GMCL1: variants seen among roughly 807,000 people sequenced by gnomAD.
The protein encoded by GMCL1 is germ cell-less protein-like 1.
A neutral mutation model predicts 75.5 loss-of-function variants in GMCL1; 54 were observed. The ratio of observed to expected loss-of-function variants is 0.71; its 90% confidence interval spans 0.57 to 0.90. GMCL1 has a LOEUF of 0.90. Ranked by LOEUF, GMCL1 falls within the 40% of genes least tolerant of loss-of-function variation. The pLI is 0.00. For synonymous variants in GMCL1, 210 were observed against 209.6 expected (o/e 1.00, Z -0.02); for missense variants, 537 against 622.7 (o/e 0.86, Z 1.47).
Position 69,847,628 on chromosome 2 carries a change from G to A in GMCL1, c.843+1G>A. 6.3e-7 allele frequency: 1 copy of A among 1,576,722 alleles called. No individual in the cohort carries two copies. The highest frequency in any genetic ancestry group is 8.7e-7 in the Non-Finnish European group (1 of 1,147,056). On this transcript the variant is annotated splice_donor_variant, in intron 7 of 13. Transcript: ENST00000282570. LOFTEE classifies it high-confidence loss of function. ...GGATATATACACTGCTCTAAAAAAG[G>A]TACTGACGTAATATGATGTCATATT...
chr2:69,847,550 G>A lies in GMCL1; in HGVS notation c.766G>A (p.Val256Ile). The stretch of plus-strand genomic sequence containing the variant: ...TCTATTTATCCTTTTCAGTATAAAT[G>A]TCATGAAACAGCTCATTGGTTCATC... ...VELFKELSIN[V>I]MKQLIGSSNL... The change falls in exon 7 of 14, where the codon GTC becomes ATC. Residue 256 changes from valine to isoleucine, a missense_variant. Coordinates refer to ENST00000282570, the MANE Select transcript of GMCL1 (RefSeq NM_178439.5). 1 of 1,599,548 alleles carries A rather than the reference G, an allele frequency of 6.3e-7. No homozygotes were observed. The highest frequency in any genetic ancestry group is 1.1e-5 in the South Asian group (1 of 90,758).
At chr2:69,868,753 C>T (rs1035724127) in intron 11 of GMCL1, among the ~76,000 whole-genome samples, 2 of 150,642 alleles carry the variant, frequency 1.3e-5, no homozygotes, top group Non-Finnish European at 3.0e-5. Flanking sequence ...TTAATGGGCT[C>T]TTAATTACCT....
intron 11 of GMCL1, among the ~76,000 whole-genome samples, chr2:69,865,657 A>C (rs1675793400): frequency 6.6e-6 from 1 of 152,216 alleles, no homozygotes; most frequent in South Asian, 2.1e-4. Flanking sequence ...CAAAAAAAAA[A>C]AGATATTTTT....
At chr2:69,864,796 T>C in intron 10 of GMCL1, 104 bp from the exon 11 acceptor site, 1 of 726,328 alleles carries the variant, frequency 1.4e-6, no homozygotes. Flanking sequence ...CAAAAACTTA[T>C]TTTTAAATCT....
intron 8 of GMCL1, among the ~76,000 whole-genome samples, chr2:69,852,544 C>CTGTTTTT (rs1553371414): frequency 6.8e-6 from 1 of 147,682 alleles, no homozygotes. Context: ...GTCTGTCTGT[C>CTGTTTTT]TTTTTTTTTT....
intron 11 of GMCL1, among the ~76,000 whole-genome samples, chr2:69,866,388 C>T (rs1211471097): frequency 2.0e-5 from 3 of 152,010 alleles, no homozygotes; most frequent in African/African-American, 7.2e-5. Context: ...TATATAGATA[C>T]CTATTTGGTT....
intron 13 of GMCL1, among the ~76,000 whole-genome samples, chr2:69,877,743 G>A (rs903382933): frequency 6.7e-6 from 1 of 149,398 alleles, no homozygotes; most frequent in East Asian, 2.0e-4. Context: ...TGAGACATTT[G>A]TACTCTCTAC....
At chr2:69,865,110 G>T (rs962984911) in intron 11 of GMCL1, 135 bp downstream of exon 11, 1 of 595,402 alleles carries the variant, frequency 1.7e-6, no homozygotes, top group South Asian at 2.8e-5. Context: ...AGCATGATCT[G>T]CTGGGAAAGT....
intron 5 of GMCL1, among the ~76,000 whole-genome samples, chr2:69,843,529 C>T (rs1243123834): frequency 6.6e-6 from 1 of 152,138 alleles, no homozygotes; most frequent in Admixed American, 6.5e-5. Flanking sequence ...TGGCTAACAC[C>T]TGTAATCCCA....
chr2:69,850,760 T>G (rs1675294934), intron 8 of GMCL1, among the ~76,000 whole-genome samples: 1 of 152,350 alleles, frequency 6.6e-6, no homozygotes, highest in African/African-American at 2.4e-5. Flanking sequence ...GGTACAAATT[T>G]TCCCATCATG....
At position 69,879,152 on chromosome 2, in the gene GMCL1, A is replaced by G. The variant is rs1676209731; in HGVS notation, c.*148A>G. 1.6e-6 allele frequency: 1 copy of G among 608,176 alleles called. No homozygotes were observed. The highest frequency in any genetic ancestry group is 3.0e-6 in the Non-Finnish European group (1 of 338,754). 37.7% of individuals were successfully genotyped at this position (608,176 alleles called of 1,614,324 possible). ...GACTAACAATGACAAAGGCCTTATG[A>G]ACTGTACAGACAATACAGAAGATTA... is the stretch of plus-strand genomic sequence containing the variant. On this transcript the variant is annotated 3_prime_UTR_variant, in exon 14 of 14. Transcript: ENST00000282570.
intron 11 of GMCL1, among the ~76,000 whole-genome samples, chr2:69,866,341 C>G (rs930889169): frequency 1.3e-5 from 2 of 151,908 alleles, no homozygotes; most frequent in Non-Finnish European, 2.9e-5. Context: ...TCCCCCCTAA[C>G]TAATCATAAT....
chr2:69,861,438 T>C, intron 10 of GMCL1, 91 bp downstream of exon 10: 1 of 732,718 alleles, frequency 1.4e-6, no homozygotes, highest in East Asian at 2.7e-5. Context: ...ATTAACAGTA[T>C]TGAAAACTCA....
Position 69,829,698 on chromosome 2 carries a change from C to T in GMCL1, c.-195C>T, listed in dbSNP as rs1434138402. On this transcript the variant is annotated 5_prime_UTR_variant, in exon 1 of 14. Coordinates refer to ENST00000282570, the MANE Select transcript of GMCL1 (RefSeq NM_178439.5). ...AGCGAGGGGGCGAGGTGCTGCGGTG[C>T]TAGAGCGCGGCGCGACCGGACGCTG... is the stretch of plus-strand genomic sequence containing the variant. 6.5e-6 allele frequency: 4 copies of T among 618,768 alleles called. No homozygotes were observed. The highest frequency in any genetic ancestry group is 1.1e-5 in the Non-Finnish European group (4 of 367,712). 38.3% of individuals were successfully genotyped at this position (618,768 alleles called of 1,614,324 possible).
Position 69,830,080 on chromosome 2 carries a change from AC to A in GMCL1, c.191del (p.Pro64LeufsTer27). 1 of 1,575,580 alleles carries A rather than the reference AC, an allele frequency of 6.3e-7. No individual in the cohort carries two copies. The highest frequency in any genetic ancestry group is 8.6e-7 in the Non-Finnish European group (1 of 1,160,132). On this transcript the variant is annotated frameshift_variant, in exon 1 of 14. Transcript: ENST00000282570. LOFTEE classifies it high-confidence loss of function. ...AGCAGCGGGTCCTTCTGCTACTGTC[AC>A]CCTGACTCGGAGACGGACGAGGATG... ...KRSSGSFCYC[H>X]PDSETDEDEE...
chr2:69,861,434 A>G (rs1675644173), intron 10 of GMCL1, 87 bp downstream of exon 10: 2 of 770,652 alleles, frequency 2.6e-6, no homozygotes, highest in South Asian at 3.8e-5. Flanking sequence ...AATCATTAAC[A>G]GTATTGAAAA....
rs114352353 is a variant in GMCL1, at chr2:69,872,966, G to T, written c.1452+1134G>T. Among the ~76,000 whole-genome samples, 393 of 152,330 alleles carry T rather than the reference G, an allele frequency of 2.6e-3. 2 individuals carry two copies. Among genetic ancestry groups the T allele is most frequent in the African/African-American group, 9.1e-3 (378 of 41,558 alleles). ...GTCCCCACCATGTGCTTGGTTCTCA[G>T]CTAGAAGTAGAAGAAATAAAGACAG... On this transcript the variant is annotated intron_variant, in intron 13 of 13. Transcript: ENST00000282570.
intron 13 of GMCL1, among the ~76,000 whole-genome samples, chr2:69,876,164 G>A (rs946116310): frequency 2.0e-5 from 3 of 152,122 alleles, no homozygotes; most frequent in African/African-American, 7.2e-5. Flanking sequence ...GTGTAGGAAG[G>A]ATTAAAGATA....
At chr2:69,855,169 C>T (rs1266641573) in intron 9 of GMCL1, among the ~76,000 whole-genome samples, 2 of 151,950 alleles carry the variant, frequency 1.3e-5, no homozygotes, top group African/African-American at 2.4e-5. Context: ...ATGAAATACT[C>T]TCTAGAATAT....
Sources: gnomAD v4.1 joint callset for allele counts (sites outside exome capture counted in the v4.1 genomes callset) on GRCh38, gnomAD v4.1.1 for gene constraint, MANE v1.5 for transcripts, NCBI Gene and HGNC (gene_info 2026-07-23, HGNC 2026-07-21) for gene names.